Variants in TBX19 observed in about 807,000 individuals in gnomAD.
TBX19 encodes the protein T-box transcription factor TBX19.
Under a neutral mutation model 40.9 loss-of-function variants are expected in TBX19, and 33 were observed. The ratio of observed to expected loss-of-function variants is 0.81; its 90% CI spans 0.61 to 1.08. The LOEUF (loss-of-function observed/expected upper bound fraction) is 1.08. Ranked by LOEUF, TBX19 falls within the 50% of genes least tolerant of loss-of-function variation. TBX19 has a pLI of 0.00. For synonymous variants in TBX19, 220 were observed against 225.0 expected, an observed-to-expected ratio of 0.98 and a Z score of 0.20; for missense variants, 494 against 574.0, an observed-to-expected ratio of 0.86 and a Z score of 1.42.
intron 3 of TBX19, among the ~76,000 whole-genome samples, chr1:168,296,525 A>G (rs1032963076): frequency 6.6e-6 from 1 of 152,168 alleles, no homozygotes; most frequent in Non-Finnish European, 1.5e-5. Context: ...AGACTTATTC[A>G]CTACCACGAG....
chr1:168,299,455 G>C (rs1649223139), intron 4 of TBX19, among the ~76,000 whole-genome samples: 1 of 152,094 alleles, frequency 6.6e-6, no homozygotes, highest in Non-Finnish European at 1.5e-5. Context: ...ACATGACCCT[G>C]TCCTGTCCAA....
chr1:168,296,800 G>C (rs1206320407), intron 3 of TBX19, among the ~76,000 whole-genome samples: 1 of 152,160 alleles, frequency 6.6e-6, no homozygotes, highest in Non-Finnish European at 1.5e-5. Flanking sequence ...CTTGAACCCA[G>C]GTGGCAGAGG....
At chr1:168,307,185 C>G (rs771280976) in intron 6 of TBX19, among the ~76,000 whole-genome samples, 1 of 152,032 alleles carries the variant, frequency 6.6e-6, no homozygotes, top group South Asian at 2.1e-4. Context: ...AGTGCCAGAT[C>G]GTAAAAAGAA....
At position 168,291,061 on chromosome 1, in the gene TBX19, G is replaced by T; in HGVS notation, c.204-99G>T. Reference sequence around the variant, plus strand: ...GCCCTGTTTATTTGGCCTCCTCACAGGGCATTCCGTGGAAGGTCTCAGTAT... The same window carrying T: ...GCCCTGTTTATTTGGCCTCCTCACATGGCATTCCGTGGAAGGTCTCAGTAT... On this transcript the variant is annotated intron_variant, in intron 1 of 7. Coordinates refer to ENST00000367821, the MANE Select transcript of TBX19 (RefSeq NM_005149.3). 3 of 1,546,508 alleles carry T rather than the reference G, an allele frequency of 1.9e-6. No homozygotes were observed. In the South Asian group the frequency reaches 3.4e-5, roughly 17 times the overall value.
chr1:168,300,386 T>C (rs1487338895), intron 4 of TBX19, 36 bp from the exon 5 acceptor site: 2 of 1,608,208 alleles, frequency 1.2e-6, no homozygotes, highest in Non-Finnish European at 1.7e-6. Context: ...ACATAAAAAG[T>C]TGGACAGCCA....
chr1:168,281,130 G>T lies in TBX19; in HGVS notation c.40G>T (p.Gly14Cys). Residue 14 changes from glycine (G) to cysteine (C), a missense_variant, in exon 1 of 8, where the codon GGC (glycine) becomes TGC (cysteine). This residue lies in a region of TBX19 where 201 missense variants were observed against 235.2 expected (regional missense o/e 0.85). Coordinates refer to ENST00000367821, the MANE Select transcript of TBX19 (RefSeq NM_005149.3). ...GCTGGGCACTCGGAAGCCCAGCGAT[G>T]GCACTGTTTCTCATCTGCTCAATGT... ...SELGTRKPSDGTVSHLLNVVE... is the reference protein window; with the variant it reads ...SELGTRKPSDCTVSHLLNVVE... 6 of 1,614,136 alleles carry T rather than the reference G, an allele frequency of 3.7e-6. No individual in the cohort carries two copies. The South Asian group carries it at 6.6e-5, about 18-fold the overall frequency.
chr1:168,288,268 T>C (rs1001267860), intron 1 of TBX19, among the ~76,000 whole-genome samples: 11 of 90,706 alleles, frequency 1.2e-4, no homozygotes, highest in African/African-American at 3.6e-4. Flanking sequence ...TAAATAGTTA[T>C]GCCATATTTT....
chr1:168,298,464 A>G (rs904671823), intron 4 of TBX19, among the ~76,000 whole-genome samples: 1 of 152,088 alleles, frequency 6.6e-6, no homozygotes. Context: ...TTTTAAAACT[A>G]CATTTAGCCT....
chr1:168,299,750 A>T (rs1045580556), intron 4 of TBX19, among the ~76,000 whole-genome samples: 1 of 152,194 alleles, frequency 6.6e-6, no homozygotes, highest in African/African-American at 2.4e-5. Flanking sequence ...CTGAGATTGC[A>T]GGAGTGAGCT....
chr1:168,287,707 A>G (rs1445220126), intron 1 of TBX19, among the ~76,000 whole-genome samples: 1 of 152,142 alleles, frequency 6.6e-6, no homozygotes, highest in Non-Finnish European at 1.5e-5. Flanking sequence ...TGGGTCTGCA[A>G]TTTTTGTCAT....
intron 6 of TBX19, 119 bp downstream of exon 6, chr1:168,305,315 C>CGGCAGTCAGGAGAA: frequency 1.1e-6 from 1 of 882,166 alleles, no homozygotes; most frequent in Non-Finnish European, 1.9e-6. Context: ...ATCTAATATA[C>CGGCAGTCAGGAGAA]ATCTATGATA....
At chr1:168,283,951 T>C (rs1054681521) in intron 1 of TBX19, among the ~76,000 whole-genome samples, 3 of 152,202 alleles carry the variant, frequency 2.0e-5, no homozygotes, top group African/African-American at 7.2e-5. Flanking sequence ...AGTGGAGATC[T>C]ACTTTCACAT....
intron 7 of TBX19, among the ~76,000 whole-genome samples, chr1:168,311,374 T>C (rs762445071): frequency 7.2e-5 from 11 of 152,158 alleles, no homozygotes; most frequent in Non-Finnish European, 1.5e-4. Flanking sequence ...TCAGAGCCCA[T>C]GGTTCTCCCA....
intron 5 of TBX19, among the ~76,000 whole-genome samples, chr1:168,302,504 C>A (rs914990108): frequency 2.0e-5 from 3 of 152,094 alleles, no homozygotes; most frequent in Admixed American, 1.3e-4. Context: ...AGCGGGAGAA[C>A]AAGCTTCTTG....
intron 1 of TBX19, among the ~76,000 whole-genome samples, chr1:168,285,127 C>T (rs1185290069): frequency 6.6e-6 from 1 of 152,096 alleles, no homozygotes; most frequent in African/African-American, 2.4e-5. Context: ...TGTAATCTGC[C>T]TTTAACCAGG....
chr1:168,306,779 G>T (rs1649415386), intron 6 of TBX19, among the ~76,000 whole-genome samples: 1 of 152,144 alleles, frequency 6.6e-6, no homozygotes. Context: ...CTGAGTCAGG[G>T]TCTGCATTTT....
intron 4 of TBX19, among the ~76,000 whole-genome samples, chr1:168,299,294 GTATAA>G (rs1194357100): frequency 1.3e-5 from 2 of 152,022 alleles, no homozygotes; most frequent in African/African-American, 2.4e-5. Flanking sequence ...AAAGCCTACA[GTATAA>G]TATGATTATC....
intron 1 of TBX19, among the ~76,000 whole-genome samples, chr1:168,288,272 A>G (rs900184367): frequency 1.1e-5 from 1 of 87,090 alleles, no homozygotes; most frequent in Non-Finnish European, 2.8e-5. Context: ...TAGTTATGCC[A>G]TATTTTTTTT....
chr1:168,283,049 A>G (rs1648702515), intron 1 of TBX19, among the ~76,000 whole-genome samples: 1 of 152,156 alleles, frequency 6.6e-6, no homozygotes, highest in African/African-American at 2.4e-5. Flanking sequence ...TTAAAATGTA[A>G]TATTCTTCAC....
Sources: allele counts gnomAD v4.1 joint callset (sites outside exome capture counted in the v4.1 genomes callset), GRCh38; gene constraint gnomAD v4.1.1; regional missense constraint gnomAD v4.1.1; transcripts MANE v1.5; gene names NCBI Gene and HGNC (gene_info 2026-07-23, HGNC 2026-07-21).